Variants in TNRC6C observed in about 807,000 individuals in gnomAD.
TNRC6C encodes trinucleotide repeat-containing gene 6C protein.
In TNRC6C, 20 loss-of-function variants were observed where a neutral mutation model predicts 153.7. That is an observed-to-expected ratio of 0.13 (90% CI 0.09 to 0.19). The LOEUF (loss-of-function observed/expected upper bound fraction) is 0.19. TNRC6C is among the 10% of genes least tolerant of loss of function. TNRC6C has a pLI of 1.00. For missense variants in TNRC6C, 1,987 were observed against 2,172.0 expected, an observed-to-expected ratio of 0.91 and a Z score of 1.69; for synonymous variants, 811 against 841.4, an observed-to-expected ratio of 0.96 and a Z score of 0.63.
At chr17:78,031,776 G>A (rs138100590) in exon 2 of TNRC6C, 24 of 1,232,318 alleles carry the variant, frequency 1.9e-5, no homozygotes, top group Non-Finnish European at 2.2e-5. Flanking sequence ...TGCTGGGCCT[G>A]CAGGGGTAAG....
chr17:77,991,980 C>T (rs2071258126), intron 1 of TNRC6C, among the ~76,000 whole-genome samples: 1 of 152,174 alleles, frequency 6.6e-6, no homozygotes, highest in Non-Finnish European at 1.5e-5. Context: ...CTGATCCTCT[C>T]CTTGAAGATG....
At chr17:77,977,763 C>T (rs2071021056) in intron 1 of TNRC6C, among the ~76,000 whole-genome samples, 1 of 151,708 alleles carries the variant, frequency 6.6e-6, no homozygotes, top group Non-Finnish European at 1.5e-5. Context: ...GCTAACATAC[C>T]AAAGACACAA....
intron 1 of TNRC6C, among the ~76,000 whole-genome samples, chr17:77,983,332 C>T (rs1015225466): frequency 6.6e-6 from 1 of 152,072 alleles, no homozygotes; most frequent in Non-Finnish European, 1.5e-5. Flanking sequence ...CTGTTGATGC[C>T]ACTGAACCAA....
chr17:78,008,194 T>TA (rs1159743794), intron 1 of TNRC6C, among the ~76,000 whole-genome samples: 1 of 152,222 alleles, frequency 6.6e-6, no homozygotes, highest in Admixed American at 6.5e-5. Flanking sequence ...TAACTGGAAA[T>TA]ATATGTTTTT....
chr17:77,984,397 C>T (rs1258365830), intron 1 of TNRC6C, among the ~76,000 whole-genome samples: 2 of 151,392 alleles, frequency 1.3e-5, no homozygotes, highest in Admixed American at 6.6e-5. Context: ...CGTGTGGTGG[C>T]GCATGCATTA....
chr17:78,015,452 C>G (rs528990216), intron 1 of TNRC6C, among the ~76,000 whole-genome samples: 6 of 152,332 alleles, frequency 3.9e-5, no homozygotes, highest in South Asian at 4.1e-4. Context: ...ATATACTGCT[C>G]TCATCCATTT....
chr17:78,089,873 G>A (rs1684789451), intron 13 of TNRC6C, among the ~76,000 whole-genome samples: 1 of 152,184 alleles, frequency 6.6e-6, no homozygotes, highest in Admixed American at 6.5e-5. Flanking sequence ...GGCCTGGCTT[G>A]TTTCAGGGGC....
At chr17:78,080,454 A>C (rs985732401) in intron 10 of TNRC6C, among the ~76,000 whole-genome samples, 1 of 152,248 alleles carries the variant, frequency 6.6e-6, no homozygotes, top group East Asian at 1.9e-4. Flanking sequence ...TCTGAAAAAA[A>C]GAAAGAAAGG....
intron 1 of TNRC6C, among the ~76,000 whole-genome samples, chr17:77,975,219 T>C (rs926301484): frequency 6.6e-6 from 1 of 151,932 alleles, no homozygotes; most frequent in African/African-American, 2.4e-5. Flanking sequence ...ATCAAATACG[T>C]TATTACCTTA....
intron 1 of TNRC6C, among the ~76,000 whole-genome samples, chr17:77,991,491 T>TC (rs1465151739): frequency 5.9e-5 from 9 of 152,192 alleles, no homozygotes; most frequent in Non-Finnish European, 1.3e-4. Flanking sequence ...TTGTGGTCAC[T>TC]TGAATGTGAA....
intron 7 of TNRC6C, 107 bp downstream of exon 9, chr17:78,073,201 A>T: frequency 1.1e-6 from 1 of 933,376 alleles, no homozygotes. Flanking sequence ...TCCTGGGTAG[A>T]CAGGACCAGG....
At chr17:77,995,498 G>A (rs2071314248) in intron 1 of TNRC6C, among the ~76,000 whole-genome samples, 1 of 152,206 alleles carries the variant, frequency 6.6e-6, no homozygotes, top group African/African-American at 2.4e-5. Flanking sequence ...GCACTGAGAG[G>A]CAATAAATCC....
At chr17:78,006,612 T>C (rs61607026) in intron 1 of TNRC6C, among the ~76,000 whole-genome samples, 11 of 145,756 alleles carry the variant, frequency 7.5e-5, no homozygotes, top group African/African-American at 1.6e-4. Context: ...CCTTCTTCCT[T>C]CTTCTTCTTT....
intron 5 of TNRC6C, among the ~76,000 whole-genome samples, chr17:78,070,874 T>G (rs2072980582): frequency 6.6e-6 from 1 of 152,188 alleles, no homozygotes; most frequent in Non-Finnish European, 1.5e-5. Context: ...ATTGCACATA[T>G]ATACCAACCT....
intron 3 of TNRC6C, among the ~76,000 whole-genome samples, chr17:78,052,938 C>T (rs958372645): frequency 2.0e-5 from 3 of 152,288 alleles, no homozygotes; most frequent in Non-Finnish European, 2.9e-5. Context: ...TGTGAATTGG[C>T]ATTTTTTTAA....
In TNRC6C at chr17:78,049,558, A is replaced by C. The variant is rs763460674; in HGVS notation, c.496A>C (p.Thr166Pro). 3.7e-6 allele frequency: 6 copies of C among 1,613,920 alleles called. No homozygotes were observed. The highest frequency in any genetic ancestry group is 3.3e-5 in the Admixed American group (2 of 60,010). ...AGAGAGCACAGAACCACAAACGTCC[A>C]CTTCTCAGAATGTGTCTTTCAGCGC... The change falls in exon 3 of 20, where the codon ACT (threonine) becomes CCT (proline). Residue 166 changes from threonine (T) to proline (P), a missense_variant. Thr to Pro is a conservative substitution (Grantham distance 38). Transcript: ENST00000301624. This position sits in a 1 kb window ranked among gnomAD's most constrained non-coding sequence, Gnocchi z 4.1.
chr17:77,961,628 G>A (rs1019168547), intron 1 of TNRC6C, among the ~76,000 whole-genome samples: 1 of 152,110 alleles, frequency 6.6e-6, no homozygotes, highest in Non-Finnish European at 1.5e-5. Flanking sequence ...ATTGCGGGGG[G>A]CGAGGGTGGG....
rs1470507947 is a variant in TNRC6C at position 78,104,318 on chromosome 17, T to C, written c.4713-167T>C. Among the ~76,000 whole-genome samples, 1 of 152,202 alleles carries C rather than the reference T, an allele frequency of 6.6e-6. No homozygotes were observed. Among genetic ancestry groups the C allele is most frequent in the African/African-American group, 2.4e-5 (1 of 41,454 alleles). On this transcript the variant is annotated intron_variant, in intron 19 of 19. Transcript: ENST00000301624. This position sits in a 1 kb window ranked among gnomAD's most constrained non-coding sequence, Gnocchi z 6.2. ...CAGTACGATGTTGCCACTAGAAGTCTGAACTGAGCAAAACATTCACAGTCT... is the reference window on the plus strand; with the variant it reads ...CAGTACGATGTTGCCACTAGAAGTCCGAACTGAGCAAAACATTCACAGTCT...
chr17:77,984,395 G>A (rs954348322), intron 1 of TNRC6C, among the ~76,000 whole-genome samples: 5 of 152,064 alleles, frequency 3.3e-5, no homozygotes, highest in African/African-American at 1.2e-4. Context: ...CACGTGTGGT[G>A]GCGCATGCAT....
Sources: gnomAD v4.1 joint callset for allele counts (sites outside exome capture counted in the v4.1 genomes callset) on GRCh38, gnomAD v4.1.1 for gene constraint, Gnocchi (gnomAD v3.1) non-coding constraint, MANE v1.5 for transcripts, NCBI Gene and HGNC (gene_info 2026-07-23, HGNC 2026-07-21) for gene names.